The following PIAS3 variants were observed in gnomAD, a reference collection of about 807,000 sequenced individuals.
PIAS3 encodes protein inhibitor of activated STAT 3, also known as E3 SUMO-protein ligase PIAS3.
Under a neutral mutation model 67.6 loss-of-function variants are expected in PIAS3, and 34 were observed. The observed-to-expected ratio is 0.50, with a 90% CI of 0.38 to 0.67. The LOEUF is 0.67. PIAS3 is among the 30% of genes least tolerant of loss of function. The pLI is 0.00. For missense variants in PIAS3, 693 were observed against 791.6 expected (o/e 0.88, Z 1.49); for synonymous variants, 341 against 313.8 (o/e 1.09, Z -0.92).
Position 145,853,904 on chromosome 1 carries a change from C to A in PIAS3, c.911-18G>T. 1 of 1,611,906 alleles carries A rather than the reference C, an allele frequency of 6.2e-7. No individual in the cohort carries two copies. Among genetic ancestry groups the A allele is most frequent in the Non-Finnish European group, 8.5e-7 (1 of 1,178,622 alleles). On this transcript the variant is annotated intron_variant, in intron 7 of 13. Coordinates refer to ENST00000393045, the MANE Select transcript of PIAS3 (RefSeq NM_006099.3). Reference sequence around the variant, plus strand: ...CTCCTTGACTGAAACAAAAGTGAGGCCAGAGCCATGGGGTCAGCAAGGCTG... The same window carrying A: ...CTCCTTGACTGAAACAAAAGTGAGGACAGAGCCATGGGGTCAGCAAGGCTG...
intron 5 of PIAS3, among the ~76,000 whole-genome samples, chr1:145,855,443 T>A (rs961840578): frequency 6.6e-6 from 1 of 151,752 alleles, no homozygotes; most frequent in East Asian, 1.9e-4. Flanking sequence ...GATTGCACCA[T>A]TGCACTCCAG....
Position 145,851,105 on chromosome 1 carries a change from T to C in PIAS3, c.1194A>G (p.Gln398=), listed in dbSNP as rs146044513. Residue 398 remains glutamine (Q), a synonymous_variant, in exon 10 of 14, where the codon CAA becomes CAG. Transcript: ENST00000393045. ...LSSCSDCDEI[Q]FMEDGSWCPM... Reference sequence around the variant, plus strand: ...GGCACCAGGATCCATCTTCCATGAATTGGATCTCATCACAATCTGAACAGG... The same window carrying C: ...GGCACCAGGATCCATCTTCCATGAACTGGATCTCATCACAATCTGAACAGG... 80 of 1,613,774 alleles carry C rather than the reference T, an allele frequency of 5.0e-5. No homozygotes were observed. The African/African-American group carries it at 7.3e-4, about 15-fold the overall frequency.
intron 1 of PIAS3, among the ~76,000 whole-genome samples, chr1:145,857,858 T>G (rs1255540557): frequency 6.6e-6 from 1 of 151,572 alleles, no homozygotes; most frequent in African/African-American, 2.4e-5. Context: ...CCTATAGGGG[T>G]GGAAGAGGAG....
At position 145,852,111 on chromosome 1, in the gene PIAS3, G is replaced by T. The variant is rs886935385; in HGVS notation, c.1146-958C>A. ...AAAATAAATAAATAAAGGCACTAGG[G>T]GCCAGGCATGGTAGCTCATGCCTGC... On this transcript the variant is annotated intron_variant, in intron 9 of 13. Coordinates refer to ENST00000393045, the MANE Select transcript of PIAS3 (RefSeq NM_006099.3). 2.0e-5 allele frequency among the ~76,000 whole-genome samples: 3 copies of T among 152,168 alleles called. 1 individual carries two copies. The South Asian group carries it at 6.2e-4, about 32-fold the overall frequency.
Position 145,849,664 on chromosome 1 carries a change from C to T in PIAS3, c.1669G>A (p.Gly557Ser), listed in dbSNP as rs1553733652. 6.2e-7 allele frequency: 1 copy of T among 1,612,166 alleles called. No individual in the cohort carries two copies. The highest frequency in any genetic ancestry group is 1.3e-5 in the African/African-American group (1 of 74,824). Reference protein sequence around the residue: ...ITSLDEQDALGHFFQYRGTPS... With the variant: ...ITSLDEQDALSHFFQYRGTPS... ...GTCCCTCGGTACTGGAAGAAGTGGC[C>T]AAGGGCATCCTGTTCATCTAGTGAG... The change falls in exon 14 of 14, where the codon GGC becomes AGC. Residue 557 changes from glycine to serine, a missense_variant. By Grantham distance (56) the Gly-to-Ser change is moderately conservative. Transcript: ENST00000393045.
chr1:145,850,776 G>C lies in PIAS3; in HGVS notation c.1443C>G (p.Ser481Arg), dbSNP rs782139397. ...CTCAGCCTATTTTCTCATACCCTTT[G>C]CTTCCAGGTAGGGCCGGGATGGCAG... Reference protein sequence around the residue: ...TSAAIPALPGSKGVLTSGHQP... With the variant: ...TSAAIPALPGRKGVLTSGHQP... Residue 481 changes from serine to arginine, a missense_variant, in exon 11 of 14, where the codon AGC becomes AGG. By Grantham distance (110) the Ser-to-Arg change is moderately radical. Coordinates refer to ENST00000393045, the MANE Select transcript of PIAS3 (RefSeq NM_006099.3). 4.3e-6 allele frequency: 7 copies of C among 1,613,968 alleles called. No individual in the cohort carries two copies. Among genetic ancestry groups the C allele is most frequent in the Non-Finnish European group, 5.9e-6 (7 of 1,179,990 alleles).
Position 145,854,764 on chromosome 1 carries a change from C to A in PIAS3, c.786G>T (p.Trp262Cys), listed in dbSNP as rs1466874860. ...TGCTCACCCGTCCGAACTCAGATGACCAATTGACCACAATGGTGTTGGGAA... is the reference window on the plus strand; with the variant it reads ...TGCTCACCCGTCCGAACTCAGATGAACAATTGACCACAATGGTGTTGGGAA... ...ATVPNTIVVNWSSEFGRNYSL... is the reference protein window; with the variant it reads ...ATVPNTIVVNCSSEFGRNYSL... Residue 262 changes from tryptophan to cysteine, a missense_variant, in exon 6 of 14, where the codon TGG becomes TGT. By Grantham distance (215) the Trp-to-Cys change is radical (BLOSUM62 -2). Coordinates refer to ENST00000393045, the MANE Select transcript of PIAS3 (RefSeq NM_006099.3). 6.2e-7 allele frequency: 1 copy of A among 1,614,194 alleles called. No individual in the cohort carries two copies. Among genetic ancestry groups the A allele is most frequent in the Middle Eastern group, 1.6e-4 (1 of 6,062 alleles).
Position 145,858,949 on chromosome 1 carries a change from G to A in PIAS3, c.24+18C>T, listed in dbSNP as rs782115479. 1 of 1,520,538 alleles carries A rather than the reference G, an allele frequency of 6.6e-7. No homozygotes were observed. The highest frequency in any genetic ancestry group is 1.2e-5 in the South Asian group (1 of 80,806). The allele number at this position is 1,520,538 out of a possible 1,614,324, so 94.2% of individuals were successfully genotyped here. ...GCCGGGCTGAGTCCAGATGGGGATG[G>A]GGGGAGGGGGCCGGTACCTTTAATT... On this transcript the variant is annotated intron_variant, in intron 1 of 13. Transcript: ENST00000393045.
chr1:145,849,755 T>C lies in PIAS3; in HGVS notation c.1621-43A>G, dbSNP rs2101676562. ...CATAGTTTAAGATCTCAATCCCGACTTCCCCACCTCCCAGTCACTCATCTC... is the reference window on the plus strand; with the variant it reads ...CATAGTTTAAGATCTCAATCCCGACCTCCCCACCTCCCAGTCACTCATCTC... On this transcript the variant is annotated intron_variant, in intron 13 of 13. Coordinates refer to ENST00000393045, the MANE Select transcript of PIAS3 (RefSeq NM_006099.3). The C allele has an allele frequency of 2.6e-6, 4 of 1,520,964 alleles. No individual in the cohort carries two copies. The Middle Eastern group carries it at 5.3e-4, about 201-fold the overall frequency. 94.2% of individuals were successfully genotyped at this position (1,520,964 alleles called of 1,614,324 possible). A position where few individuals can be genotyped will look rare whatever the true frequency, so the allele number is the denominator to read the frequency against.
chr1:145,854,150 T>C (rs1653067602), intron 7 of PIAS3: 2 of 594,720 alleles, frequency 3.4e-6, no homozygotes, highest in Admixed American at 3.0e-5. Flanking sequence ...AAGCATCATG[T>C]GAGGGTTAGA....
chr1:145,855,734 AC>A lies in PIAS3; in HGVS notation c.669+1del. 6.5e-7 allele frequency: 1 copy of A among 1,533,168 alleles called. No homozygotes were observed. The highest frequency in any genetic ancestry group is 9.0e-7 in the Non-Finnish European group (1 of 1,114,338). 95.0% of individuals were successfully genotyped at this position (1,533,168 alleles called of 1,614,324 possible). A position where few individuals can be genotyped will look rare whatever the true frequency, so the allele number is the denominator to read the frequency against. ...CTGACAGAAGAAGGGGAGAGCATTTACCGGCAGGGGGCACAGTTTCCCATTG... is the reference window on the plus strand; with the variant it reads ...CTGACAGAAGAAGGGGAGAGCATTTACGGCAGGGGGCACAGTTTCCCATTG... On this transcript the variant is annotated splice_donor_variant, in intron 5 of 13. Coordinates refer to ENST00000393045, the MANE Select transcript of PIAS3 (RefSeq NM_006099.3). LOFTEE classifies it high-confidence loss of function.
chr1:145,850,638 C>T (rs1160824013), intron 11 of PIAS3, 52 bp from the exon 12 acceptor site: 1 of 1,604,232 alleles, frequency 6.2e-7, no homozygotes, highest in Non-Finnish European at 8.5e-7. Flanking sequence ...TGCCCTCACC[C>T]AGCTCAGGTC....
At position 145,856,783 on chromosome 1, in the gene PIAS3, C is replaced by T. The variant is rs1553735733; in HGVS notation, c.248G>A (p.Gly83Asp). ...SDLSLLSLPP[G>D]TSPVGSPGPL... ...ACCAGGGGAGCCTACAGGAGAGGTG[C>T]CAGGGGGCAAAGAGAGAAGGGAGAG... The change falls in exon 2 of 14, where the codon GGC becomes GAC. Residue 83 changes from glycine (G) to aspartate (D), a missense_variant. Gly to Asp is a moderately conservative substitution (Grantham distance 94, BLOSUM62 -1). This residue lies in a region of PIAS3 where 308 missense variants were observed against 348.8 expected (regional missense o/e 0.88). Coordinates refer to ENST00000393045, the MANE Select transcript of PIAS3 (RefSeq NM_006099.3). 1 of 1,614,030 alleles carries T rather than the reference C, an allele frequency of 6.2e-7. No individual in the cohort carries two copies. Among genetic ancestry groups the T allele is most frequent in the East Asian group, 2.2e-5 (1 of 44,884 alleles).
At chr1:145,856,210 G>A in intron 3 of PIAS3, 92 bp from the exon 4 acceptor site, 8 of 1,308,628 alleles carry the variant, frequency 6.1e-6, no homozygotes, top group Non-Finnish European at 6.7e-6. Flanking sequence ...AGATGTCCAG[G>A]AGATAGAGAA....
At chr1:145,858,817 C>G in intron 1 of PIAS3, 150 bp downstream of exon 1, 1 of 672,814 alleles carries the variant, frequency 1.5e-6, no homozygotes, top group Non-Finnish European at 2.3e-6. Context: ...CCCTTCCTCG[C>G]TCTCAGCTAC....
chr1:145,854,658 A>G (rs1653090126), intron 6 of PIAS3, 88 bp downstream of exon 6: 1 of 1,596,910 alleles, frequency 6.3e-7, no homozygotes, highest in South Asian at 1.1e-5. Flanking sequence ...ACTCATAAAG[A>G]GGAAAATGCT....
At position 145,853,633 on chromosome 1, in the gene PIAS3, C is replaced by A; in HGVS notation, c.1016G>T (p.Arg339Leu). 6.2e-7 allele frequency: 1 copy of A among 1,613,888 alleles called. No homozygotes were observed. The highest frequency in any genetic ancestry group is 8.5e-7 in the Non-Finnish European group (1 of 1,179,962). ...LGKMRLTVPC[R>L]ALTCAHLQSF... ...CTGCAGGTGGGCGCAGGTGAGGGCA[C>A]GACAAGGGACAGTCAGGCGCATCTT... Residue 339 changes from arginine to leucine, a missense_variant, in exon 9 of 14, where the codon CGT becomes CTT. By Grantham distance (102) the Arg-to-Leu change is moderately radical. Around this residue, in one of 3 missense-constraint regions of PIAS3, gnomAD observed 115 missense variants for 181.8 expected, o/e 0.63. Transcript: ENST00000393045.
rs1553735683 is a variant in PIAS3 at position 145,856,633 on chromosome 1, G to A, written c.398C>T (p.Pro133Leu). ...GAGCTCCCCATAGACTTCATAGAAG[G>A]GCAATGGTTTCATGGTGACATCAGG... ...VHPDVTMKPL[P>L]FYEVYGELIR... The change falls in exon 2 of 14, where the codon CCC becomes CTC. Residue 133 changes from proline (P) to leucine (L), a missense_variant. Transcript: ENST00000393045. The A allele has an allele frequency of 6.3e-7, 1 of 1,577,492 alleles. No homozygotes were observed. Among genetic ancestry groups the A allele is most frequent in the Non-Finnish European group, 8.6e-7 (1 of 1,160,760 alleles).
At chr1:145,855,417 G>C (rs587632198) in intron 5 of PIAS3, among the ~76,000 whole-genome samples, 1 of 152,076 alleles carries the variant, frequency 6.6e-6, no homozygotes, top group Non-Finnish European at 1.5e-5. Flanking sequence ...GGGAGGCAGA[G>C]GTTGCAGTGA....
Sources: gnomAD v4.1 joint callset for allele counts (sites outside exome capture counted in the v4.1 genomes callset) on GRCh38, gnomAD v4.1.1 for gene constraint, gnomAD v4.1.1 regional missense constraint, MANE v1.5 for transcripts, NCBI Gene and HGNC (gene_info 2026-07-23, HGNC 2026-07-21) for gene names.